FRMPD4: variants seen among roughly 807,000 people sequenced by gnomAD.
FRMPD4 encodes the protein FERM and PDZ domain-containing protein 4.
Under a neutral mutation model 94.1 loss-of-function variants are expected in FRMPD4, and 22 were observed. The ratio of observed to expected loss-of-function variants is 0.23; its 90% CI spans 0.17 to 0.33. The LOEUF (loss-of-function observed/expected upper bound fraction) is 0.33, where lower values mean the gene tolerates loss of function less well. Among genes scored for constraint, FRMPD4 ranks in the 10% least tolerant of loss-of-function variants. The pLI is 1.00. For missense variants in FRMPD4, 1,111 were observed against 1,339.9 expected, an observed-to-expected ratio of 0.83 and a Z score of 2.67; for synonymous variants, 631 against 548.6, an observed-to-expected ratio of 1.15 and a Z score of -2.10.
intron 1 of FRMPD4, among the ~76,000 whole-genome samples, chrX:12,359,805 G>A (rs752374493): frequency 7.6e-4 from 85 of 111,691 alleles, no homozygotes; most frequent in Non-Finnish European, 1.5e-3. Context: ...CAGGGCATCC[G>A]GGGAGGGAGC....
In FRMPD4 at chrX:12,432,211, T is replaced by G. The variant is rs757132753; in HGVS notation, c.42-66469T>G. 2.7e-5 allele frequency among the ~76,000 whole-genome samples: 3 copies of G among 112,191 alleles called. No individual in the cohort carries two copies. The South Asian group carries it at 1.1e-3, about 42-fold the overall frequency. The stretch of plus-strand genomic sequence containing the variant: ...TCTCAGAGAGGCCTTCACTGACCAC[T>G]GTAAAAACTAGAAGCCCCCACTTCC... On this transcript the variant is annotated intron_variant, in intron 1 of 16. Coordinates refer to ENST00000675598, the MANE Select transcript of FRMPD4 (RefSeq NM_001368397.1).
intron 3 of FRMPD4, among the ~76,000 whole-genome samples, chrX:11,883,477 A>G (rs751703425): frequency 9.0e-6 from 1 of 111,632 alleles, no homozygotes; most frequent in African/African-American, 3.3e-5. Flanking sequence ...GAAGATTAAC[A>G]AATATCTCTG....
At chrX:12,685,589 G>GTTTTT (rs2060014653) in intron 6 of FRMPD4, among the ~76,000 whole-genome samples, 1 of 107,294 alleles carries the variant, frequency 9.3e-6, no homozygotes, top group African/African-American at 3.6e-5. Context: ...TTTTGTTTTT[G>GTTTTT]TTTTGCAGTT....
chrX:12,349,168 G>T (rs1414374860), intron 1 of FRMPD4, among the ~76,000 whole-genome samples: 5 of 111,756 alleles, frequency 4.5e-5, no homozygotes, highest in African/African-American at 1.6e-4. Context: ...GGCCAGGCCA[G>T]CTGGTAGAGG....
At chrX:11,985,998 G>A (rs1265201823) in intron 3 of FRMPD4, among the ~76,000 whole-genome samples, 1 of 112,874 alleles carries the variant, frequency 8.9e-6, no homozygotes, top group Non-Finnish European at 1.9e-5. Flanking sequence ...ACACGAACCT[G>A]GCTTGCTTTG....
chrX:12,315,669 C>T (rs1360976267), intron 1 of FRMPD4, among the ~76,000 whole-genome samples: 1 of 112,239 alleles, frequency 8.9e-6, no homozygotes, highest in Non-Finnish European at 1.9e-5. Flanking sequence ...AGGCACAGAG[C>T]AGACTGCAAA....
intron 1 of FRMPD4, among the ~76,000 whole-genome samples, chrX:12,277,165 C>T (rs1352195430): frequency 1.9e-5 from 2 of 105,173 alleles, no homozygotes; most frequent in African/African-American, 3.5e-5. Flanking sequence ...ATTTTAATAA[C>T]ATATTTTTTA....
intron 1 of FRMPD4, among the ~76,000 whole-genome samples, chrX:12,207,252 T>A (rs1016069262): frequency 1.8e-5 from 2 of 111,689 alleles, no homozygotes; most frequent in African/African-American, 6.5e-5. Flanking sequence ...TGCCTCACAA[T>A]TTTTTTTATG....
Position 11,889,601 on chromosome X carries a change from T to G in FRMPD4, c.95+11583T>G, listed in dbSNP as rs1030084476. On this transcript the variant is annotated intron_variant, in intron 3 of 18. Coordinates refer to the FRMPD4 transcript ENST00000640291. ...ACATGTGTACAGCTATTAATTGCCA[T>G]ATAACAAACCATCCTAAGACACAAT... is the stretch of plus-strand genomic sequence containing the variant. Among the ~76,000 whole-genome samples the G allele has an allele frequency of 6.2e-5, 7 of 112,698 alleles. No individual in the cohort carries two copies. The Admixed American group carries it at 6.6e-4, about 11-fold the overall frequency.
At chrX:12,710,777 G>GAT (rs1569068936) in intron 14 of FRMPD4, among the ~76,000 whole-genome samples, 4,151 of 110,478 alleles carry the variant, frequency 0.038, 220 homozygotes, top group African/African-American at 0.13. Context: ...ATAGTGGCAC[G>GAT]CACCTGTAAT....
chrX:12,514,517 T>C (rs2058076452), intron 2 of FRMPD4, among the ~76,000 whole-genome samples: 2 of 112,432 alleles, frequency 1.8e-5, no homozygotes, highest in African/African-American at 3.2e-5. Flanking sequence ...ATTATGTTCA[T>C]TGATTTGCAT....
At chrX:12,193,774 G>A (rs369933694) in intron 1 of FRMPD4, among the ~76,000 whole-genome samples, 3 of 24,733 alleles carry the variant, frequency 1.2e-4, no homozygotes, top group African/African-American at 3.0e-4. Context: ...AAGAAAGAAA[G>A]GAAGGAAGGA....
chrX:11,957,517 C>G (rs1371109328), intron 3 of FRMPD4, among the ~76,000 whole-genome samples: 1 of 98,947 alleles, frequency 1.0e-5, no homozygotes, highest in Non-Finnish European at 2.1e-5. Flanking sequence ...GTGAGTGAGA[C>G]CCTGTCTCAA....
intron 1 of FRMPD4, among the ~76,000 whole-genome samples, chrX:12,215,530 G>A (rs1272730144): frequency 8.9e-6 from 1 of 111,755 alleles, no homozygotes; most frequent in Non-Finnish European, 1.9e-5. Flanking sequence ...TGATTACTAT[G>A]TGCCAGCCAT....
At chrX:12,614,547 C>T (rs2059216417) in intron 3 of FRMPD4, among the ~76,000 whole-genome samples, 1 of 111,701 alleles carries the variant, frequency 9.0e-6, no homozygotes, top group South Asian at 3.8e-4. Context: ...CTCGACCTTG[C>T]TTGCAAAGTT....
chrX:12,240,928 G>A (rs924120362), intron 1 of FRMPD4, among the ~76,000 whole-genome samples: 2 of 112,161 alleles, frequency 1.8e-5, no homozygotes, highest in African/African-American at 6.5e-5. Context: ...AATTTCATGT[G>A]AGTGTAGTTG....
At chrX:12,386,046 T>C (rs1014326725) in intron 1 of FRMPD4, among the ~76,000 whole-genome samples, 5 of 112,437 alleles carry the variant, frequency 4.4e-5, no homozygotes, top group African/African-American at 9.7e-5. Context: ...CTTCTCTTCA[T>C]TGAACTTGAA....
At chrX:12,497,551 G>A (rs2057865320) in intron 1 of FRMPD4, among the ~76,000 whole-genome samples, 1 of 109,161 alleles carries the variant, frequency 9.2e-6, no homozygotes, top group South Asian at 4.0e-4. Context: ...TGCTTGCCAT[G>A]TCTTTTAGTA....
At chrX:12,433,836 G>A (rs2057035259) in intron 1 of FRMPD4, among the ~76,000 whole-genome samples, 1 of 111,669 alleles carries the variant, frequency 9.0e-6, no homozygotes, top group Admixed American at 9.5e-5. Flanking sequence ...TAGTTAGCCT[G>A]AAAAAAAATC....
Sources: gnomAD v4.1 joint callset for allele counts (sites outside exome capture counted in the v4.1 genomes callset) on GRCh38, gnomAD v4.1.1 for gene constraint, MANE v1.5 for transcripts, NCBI Gene and HGNC (gene_info 2026-07-23, HGNC 2026-07-21) for gene names.